The following RNF144B variants were observed in gnomAD, a reference collection of about 807,000 sequenced individuals.
The protein encoded by RNF144B is ring finger protein 144B, also known as E3 ubiquitin-protein ligase RNF144B.
In RNF144B, 25 loss-of-function variants were observed where a neutral mutation model predicts 40.2. The ratio of observed to expected loss-of-function variants is 0.62; its 90% CI spans 0.45 to 0.87. The LOEUF is 0.87. Ranked by LOEUF, RNF144B falls within the 40% of genes least tolerant of loss-of-function variation. RNF144B has a pLI of 0.00. For missense variants in RNF144B, 365 were observed against 373.7 expected, an observed-to-expected ratio of 0.98 and a Z score of 0.19; for synonymous variants, 145 against 136.3, an observed-to-expected ratio of 1.06 and a Z score of -0.44.
At chr6:18,462,646 C>G (rs1001930085) in intron 6 of RNF144B, among the ~76,000 whole-genome samples, 1 of 147,156 alleles carries the variant, frequency 6.8e-6, no homozygotes, top group African/African-American at 2.5e-5. Context: ...GAGCTAGTTT[C>G]TCTGCTGAGG....
At chr6:18,430,845 C>T (rs1463460384) in intron 3 of RNF144B, among the ~76,000 whole-genome samples, 1 of 152,068 alleles carries the variant, frequency 6.6e-6, no homozygotes, top group African/African-American at 2.4e-5. Flanking sequence ...CCTTTCCCCA[C>T]TCTATCCCTT....
At position 18,460,512 on chromosome 6, in the gene RNF144B, C is replaced by T. The variant is rs1759426348; in HGVS notation, c.681+761C>T. ...ATGATATCTTTGGGAGGTAGTTATT[C>T]TGCCTACCACTATTAGATTTTTTCT... On this transcript the variant is annotated intron_variant, in intron 6 of 7. Coordinates refer to ENST00000259939, the MANE Select transcript of RNF144B (RefSeq NM_182757.4). The surrounding 1 kb of genome is among the most constrained non-coding windows in gnomAD (Gnocchi z 4.4). Among the ~76,000 whole-genome samples, 1 of 152,178 alleles carries T rather than the reference C, an allele frequency of 6.6e-6. No individual in the cohort carries two copies. Among genetic ancestry groups the T allele is most frequent in the Non-Finnish European group, 1.5e-5 (1 of 68,030 alleles).
intron 4 of RNF144B, among the ~76,000 whole-genome samples, chr6:18,454,132 A>G (rs992760056): frequency 8.5e-5 from 13 of 152,142 alleles, no homozygotes; most frequent in African/African-American, 1.9e-4. Flanking sequence ...AAGCATCATA[A>G]CCTCACACAG....
rs1415363829 is a variant in RNF144B, at chr6:18,460,351, A to T, written c.681+600A>T. ...CTGGGAAAGGTTCTCTGCCTGAAGG[A>T]CCAATGTGATGAGATTGGGCCCATC... On this transcript the variant is annotated intron_variant, in intron 6 of 7. Coordinates refer to ENST00000259939, the MANE Select transcript of RNF144B (RefSeq NM_182757.4). This position sits in a 1 kb window ranked among gnomAD's most constrained non-coding sequence, Gnocchi z 4.4. Among the ~76,000 whole-genome samples the T allele has an allele frequency of 2.0e-5, 3 of 152,142 alleles. No homozygotes were observed. The highest frequency in any genetic ancestry group is 4.4e-5 in the Non-Finnish European group (3 of 68,030).
chr6:18,462,615 T>C (rs895364545), intron 6 of RNF144B, among the ~76,000 whole-genome samples: 33 of 151,914 alleles, frequency 2.2e-4, no homozygotes, highest in African/African-American at 7.5e-4. Flanking sequence ...AGATAGATTA[T>C]CTACACTTAA....
intron 2 of RNF144B, among the ~76,000 whole-genome samples, chr6:18,421,944 A>C (rs1275335683): frequency 6.6e-6 from 1 of 152,072 alleles, no homozygotes; most frequent in Non-Finnish European, 1.5e-5. Context: ...TTTTCCTTTA[A>C]TCATTTGGTG....
At chr6:18,392,174 C>A (rs1794594914) in intron 1 of RNF144B, among the ~76,000 whole-genome samples, 1 of 151,910 alleles carries the variant, frequency 6.6e-6, no homozygotes, top group Non-Finnish European at 1.5e-5. Flanking sequence ...CACCACTGCA[C>A]TGCAGCCTGG....
At chr6:18,415,069 TTATAA>T (rs1795124254) in intron 2 of RNF144B, among the ~76,000 whole-genome samples, 1 of 152,178 alleles carries the variant, frequency 6.6e-6, no homozygotes, top group Non-Finnish European at 1.5e-5. Flanking sequence ...TTTAGGTAAC[TTATAA>T]TATCTAATAC....
intron 2 of RNF144B, among the ~76,000 whole-genome samples, chr6:18,415,273 C>T (rs1209459217): frequency 3.3e-5 from 5 of 152,230 alleles, no homozygotes; most frequent in African/African-American, 7.2e-5. Context: ...TAACAAAATA[C>T]GCGAGACTAG....
chr6:18,433,340 C>T (rs139760160), intron 3 of RNF144B, among the ~76,000 whole-genome samples: 11 of 152,266 alleles, frequency 7.2e-5, no homozygotes, highest in East Asian at 5.8e-4. Flanking sequence ...TAGAGGAATC[C>T]GCCAAGCCAG....
rs961248253 is a variant in RNF144B at position 18,464,717 on chromosome 6, A to C, written c.772-210A>C. 2.8e-4 allele frequency among the ~76,000 whole-genome samples: 42 copies of C among 152,176 alleles called. No individual in the cohort carries two copies. Among genetic ancestry groups the C allele is most frequent in the Admixed American group, 1.0e-3 (16 of 15,284 alleles). On this transcript the variant is annotated intron_variant, in intron 7 of 7. Coordinates refer to ENST00000259939, the MANE Select transcript of RNF144B (RefSeq NM_182757.4). The surrounding 1 kb of genome is among the most constrained non-coding windows in gnomAD (Gnocchi z 6.1). ...TGGCATCTGTTCTTGTAAGAGCACCAATCCCATCATGAGGGCCCTGCCCTC... is the reference window on the plus strand; with the variant it reads ...TGGCATCTGTTCTTGTAAGAGCACCCATCCCATCATGAGGGCCCTGCCCTC...
chr6:18,423,279 G>T (rs953881700), intron 2 of RNF144B, among the ~76,000 whole-genome samples: 1 of 152,136 alleles, frequency 6.6e-6, no homozygotes, highest in Non-Finnish European at 1.5e-5. Flanking sequence ...ATGTAGAGGA[G>T]ACTTTAGAGC....
At chr6:18,409,005 C>T (rs555103825) in intron 2 of RNF144B, among the ~76,000 whole-genome samples, 10 of 151,420 alleles carry the variant, frequency 6.6e-5, no homozygotes, top group Non-Finnish European at 1.3e-4. Context: ...GCCTTTCATC[C>T]CATTGCCTCT....
rs1794686971 is a variant in RNF144B at position 18,395,995 on chromosome 6, G to T, written c.-36-3504G>T. Among the ~76,000 whole-genome samples the T allele has an allele frequency of 1.3e-5, 2 of 152,142 alleles. No homozygotes were observed. Among genetic ancestry groups the T allele is most frequent in the South Asian group, 4.1e-4 (2 of 4,836 alleles). On this transcript the variant is annotated intron_variant, in intron 1 of 7. Coordinates refer to ENST00000259939, the MANE Select transcript of RNF144B (RefSeq NM_182757.4). This position sits in a 1 kb window ranked among gnomAD's most constrained non-coding sequence, Gnocchi z 4.5. ...TAACTTTTTTCCTCTATGTCACTGAGTCATAAGTCCTGCCTTTTTGGAATG... is the reference window on the plus strand; with the variant it reads ...TAACTTTTTTCCTCTATGTCACTGATTCATAAGTCCTGCCTTTTTGGAATG...
In RNF144B at chr6:18,414,787, C is replaced by T. The variant is rs1162710296; in HGVS notation, c.166-12794C>T. Among the ~76,000 whole-genome samples the T allele has an allele frequency of 6.6e-6, 1 of 152,060 alleles. No individual in the cohort carries two copies. The highest frequency in any genetic ancestry group is 6.5e-5 in the Admixed American group (1 of 15,270). ...CTTTTAGTTTTAAAATATTGTACAA[C>T]ATCCTGTTTCTATTCTTGAAGGTGA... is the stretch of plus-strand genomic sequence containing the variant. On this transcript the variant is annotated intron_variant, in intron 2 of 7. Coordinates refer to ENST00000259939, the MANE Select transcript of RNF144B (RefSeq NM_182757.4). The surrounding 1 kb of genome is among the most constrained non-coding windows in gnomAD (Gnocchi z 4.9).
At chr6:18,402,969 A>G (rs1224462987) in intron 2 of RNF144B, among the ~76,000 whole-genome samples, 1 of 152,238 alleles carries the variant, frequency 6.6e-6, no homozygotes, top group Non-Finnish European at 1.5e-5. Flanking sequence ...CATGAGGTGT[A>G]TTACAGATCC....
In RNF144B at chr6:18,456,452, A is replaced by G. The variant is rs532518499; in HGVS notation, c.332-703A>G. Among the ~76,000 whole-genome samples the G allele has an allele frequency of 6.6e-6, 1 of 152,226 alleles. No individual in the cohort carries two copies. The highest frequency in any genetic ancestry group is 1.5e-5 in the Non-Finnish European group (1 of 68,034). On this transcript the variant is annotated intron_variant, in intron 4 of 7. Coordinates refer to ENST00000259939, the MANE Select transcript of RNF144B (RefSeq NM_182757.4). The surrounding 1 kb of genome is among the most constrained non-coding windows in gnomAD (Gnocchi z 4.7). The stretch of plus-strand genomic sequence containing the variant: ...CAAAGTCTTTTTGGAAAAATATCTT[A>G]TTAAAAATTTGCTTTTTATGTCCAA...
intron 4 of RNF144B, among the ~76,000 whole-genome samples, chr6:18,455,922 T>G (rs1480371735): frequency 6.6e-6 from 1 of 152,092 alleles, no homozygotes; most frequent in Non-Finnish European, 1.5e-5. Flanking sequence ...GTTTTTGTTT[T>G]TTTTGTTTTG....
intron 4 of RNF144B, among the ~76,000 whole-genome samples, chr6:18,454,512 G>C (rs1013047836): frequency 6.6e-6 from 1 of 152,142 alleles, no homozygotes; most frequent in East Asian, 1.9e-4. Flanking sequence ...TTCTAATGAA[G>C]GAAATGTGTA....
Sources: gnomAD v4.1 joint callset for allele counts (sites outside exome capture counted in the v4.1 genomes callset) on GRCh38, gnomAD v4.1.1 for gene constraint, Gnocchi (gnomAD v3.1) non-coding constraint, MANE v1.5 for transcripts, NCBI Gene and HGNC (gene_info 2026-07-23, HGNC 2026-07-21) for gene names.